PCDH15: variants seen among roughly 807,000 people sequenced by gnomAD.
The protein encoded by PCDH15 is protocadherin-15.
PCDH15 carries 129 observed loss-of-function variants against 178.5 expected under a neutral mutation model. The observed-to-expected ratio is 0.72, with a 90% CI of 0.63 to 0.84. PCDH15 has a LOEUF of 0.84. PCDH15 is among the 40% of genes least tolerant of loss of function. PCDH15 has a pLI of 0.00. For missense variants in PCDH15, 2,230 were observed against 2,099.9 expected (o/e 1.06, Z -1.21); for synonymous variants, 800 against 732.0 (o/e 1.09, Z -1.50).
chr10:53,920,390 G>C (rs376177497), intron 25 of PCDH15, among the ~76,000 whole-genome samples: 57 of 151,736 alleles, frequency 3.8e-4, no homozygotes, highest in Non-Finnish European at 7.1e-4. Flanking sequence ...GCATATAAGT[G>C]TATGTATAGA....
intron 3 of PCDH15, among the ~76,000 whole-genome samples, chr10:54,394,425 A>C (rs1320953253): frequency 6.6e-6 from 1 of 151,606 alleles, no homozygotes; most frequent in Non-Finnish European, 1.5e-5. Flanking sequence ...ACATGTCGGT[A>C]CGTTCCGTGA....
chr10:54,355,382 T>C (rs2795936), intron 5 of PCDH15, among the ~76,000 whole-genome samples: 17,453 of 151,936 alleles, frequency 0.11, 1,787 homozygotes, highest in African/African-American at 0.28. Flanking sequence ...AAAAATGTTT[T>C]GGGTTATTTT....
chr10:54,652,950 A>G (rs2094295059), intron 2 of PCDH15, among the ~76,000 whole-genome samples: 1 of 152,170 alleles, frequency 6.6e-6, no homozygotes, highest in East Asian at 1.9e-4. Flanking sequence ...TCCTAACAAA[A>G]ATCTTGTTTT....
intron 3 of PCDH15, among the ~76,000 whole-genome samples, chr10:54,851,801 C>T (rs970059262): frequency 3.9e-5 from 6 of 152,190 alleles, no homozygotes; most frequent in African/African-American, 1.2e-4. Context: ...AACTTCTGAC[C>T]TCAAGTGTTC....
At chr10:54,188,806 T>C (rs1380616203) in intron 11 of PCDH15, among the ~76,000 whole-genome samples, 2 of 151,928 alleles carry the variant, frequency 1.3e-5, no homozygotes, top group Non-Finnish European at 2.9e-5. Context: ...CAAGACCATA[T>C]GCATGCACAT....
intron 3 of PCDH15, among the ~76,000 whole-genome samples, chr10:54,812,029 A>G (rs1038629006): frequency 2.0e-4 from 31 of 152,300 alleles, no homozygotes; most frequent in Non-Finnish European, 2.2e-4. Context: ...TCCAAAGAAT[A>G]AGTGCATCTC....
chr10:55,441,201 A>G (rs1038280524), intron 2 of PCDH15, among the ~76,000 whole-genome samples: 7 of 152,222 alleles, frequency 4.6e-5, no homozygotes, highest in Admixed American at 6.5e-5. Context: ...TGACTGTAAG[A>G]TTAGTTTTAC....
chr10:54,601,716 T>C (rs4935525), intron 2 of PCDH15, among the ~76,000 whole-genome samples: 117,171 of 151,856 alleles, frequency 0.77, 45,404 homozygotes, highest in Middle Eastern at 0.88. Context: ...ATATGATTGA[T>C]GTATTATAAA....
chr10:54,255,862 G>A (rs904016726), intron 8 of PCDH15, among the ~76,000 whole-genome samples: 8 of 152,060 alleles, frequency 5.3e-5, no homozygotes, highest in South Asian at 2.1e-4. Flanking sequence ...ATGAAAATGC[G>A]ACCTAGAACA....
rs184327112 is a variant in PCDH15, at chr10:55,243,930, T to C, written c.-156+75669A>G. On this transcript the variant is annotated intron_variant, in intron 1 of 5. Transcript: ENST00000458638. The stretch of plus-strand genomic sequence containing the variant: ...TAGCTTGTCATTTGACTCTGTAAAA[T>C]AATGTAAATTCGGGTTATAAGTGTT... 5.3e-5 allele frequency among the ~76,000 whole-genome samples: 8 copies of C among 152,270 alleles called. No individual in the cohort carries two copies. In the East Asian group the frequency reaches 1.5e-3, roughly 29 times the overall value.
chr10:55,554,688 A>T (rs1842058112), intron 2 of PCDH15, among the ~76,000 whole-genome samples: 1 of 152,038 alleles, frequency 6.6e-6, no homozygotes, highest in African/African-American at 2.4e-5. Context: ...GGATTTGGGT[A>T]TTAGTGCAGG....
chr10:55,511,055 T>TTTGTTTG (rs1253244902), intron 2 of PCDH15, among the ~76,000 whole-genome samples: 30 of 150,324 alleles, frequency 2.0e-4, no homozygotes, highest in African/African-American at 6.9e-4. Flanking sequence ...TTGTTTGTTT[T>TTTGTTTG]TTTTTTTAGA....
chr10:54,450,158 T>TATATATATATATATATATATA (rs1565308335), intron 3 of PCDH15, among the ~76,000 whole-genome samples: 5 of 142,032 alleles, frequency 3.5e-5, no homozygotes, highest in African/African-American at 1.3e-4. Flanking sequence ...TATATATATA[T>TATATATATATATATATATATA]TATACTTTAA....
At chr10:54,655,310 GAGAGAC>G (rs1399466701) in intron 2 of PCDH15, among the ~76,000 whole-genome samples, 3,355 of 126,672 alleles carry the variant, frequency 0.026, 151 homozygotes, top group African/African-American at 0.086. Flanking sequence ...GAGACAGAGA[GAGAGAC>G]AGAGAAAGAG....
intron 2 of PCDH15, among the ~76,000 whole-genome samples, chr10:54,567,708 C>A (rs963997996): frequency 6.6e-6 from 1 of 151,970 alleles, no homozygotes; most frequent in African/African-American, 2.4e-5. Flanking sequence ...TTCTAATTAG[C>A]CTAAAGAGAT....
chr10:55,291,645 A>G (rs1296151188), intron 1 of PCDH15, among the ~76,000 whole-genome samples: 1 of 152,232 alleles, frequency 6.6e-6, no homozygotes, highest in Non-Finnish European at 1.5e-5. Flanking sequence ...AAGCTCTCAG[A>G]TGATGACTGA....
At chr10:54,027,541 T>C (rs1436844169) in intron 18 of PCDH15, among the ~76,000 whole-genome samples, 21 of 149,914 alleles carry the variant, frequency 1.4e-4, no homozygotes, top group African/African-American at 5.0e-4. Context: ...CTTCAAACTA[T>C]ACTACAAGGC....
intron 2 of PCDH15, among the ~76,000 whole-genome samples, chr10:55,401,094 C>T (rs1838051590): frequency 6.6e-6 from 1 of 152,054 alleles, no homozygotes; most frequent in Non-Finnish European, 1.5e-5. Context: ...GGGAACACAA[C>T]CATCATTTTT....
chr10:54,133,033 A>T, intron 14 of PCDH15, 26 bp from the exon 15 acceptor site: 1 of 1,613,712 alleles, frequency 6.2e-7, no homozygotes. Context: ...GGAAAAGAAG[A>T]TGGTTACGAA....
Sources: allele counts gnomAD v4.1 joint callset (sites outside exome capture counted in the v4.1 genomes callset), GRCh38; gene constraint gnomAD v4.1.1; transcripts MANE v1.5; gene names NCBI Gene and HGNC (gene_info 2026-07-23, HGNC 2026-07-21).